Variants in GRIN2B observed in about 807,000 individuals in gnomAD.
GRIN2B encodes the protein glutamate receptor ionotropic, NMDA 2B.
A neutral mutation model predicts 114.5 loss-of-function variants in GRIN2B; 5 were observed. The observed-to-expected ratio is 0.04, with a 90% CI of 0.02 to 0.09. The LOEUF is 0.09. Ranked by LOEUF, GRIN2B falls within the 10% of genes least tolerant of loss-of-function variation. The probability of loss-of-function intolerance (pLI) is 1.00; values close to 1 mark genes in which losing one functional copy is unlikely to be tolerated. For missense variants in GRIN2B, 1,108 were observed against 1,943.5 expected (o/e 0.57, Z 8.08); for synonymous variants, 787 against 745.1 (o/e 1.06, Z -0.92).
intron 3 of GRIN2B, among the ~76,000 whole-genome samples, chr12:13,834,964 G>A (rs186726336): frequency 1.1e-3 from 161 of 152,274 alleles, no homozygotes; most frequent in African/African-American, 3.5e-3. Flanking sequence ...CCAAGTTTGC[G>A]CATCTCTGCT....
intron 10 of GRIN2B, among the ~76,000 whole-genome samples, chr12:13,590,330 C>T (rs539453471): frequency 1.3e-5 from 2 of 152,132 alleles, no homozygotes; most frequent in East Asian, 3.9e-4. Context: ...TATCAATTCC[C>T]CATCTAGGTT....
chr12:13,919,797 C>T (rs1866793437), intron 2 of GRIN2B, among the ~76,000 whole-genome samples: 1 of 152,154 alleles, frequency 6.6e-6, no homozygotes, highest in Middle Eastern at 3.4e-3. Context: ...ATTCTGAACA[C>T]TGATGGGAAT....
intron 2 of GRIN2B, among the ~76,000 whole-genome samples, chr12:13,913,552 A>G (rs184928429): frequency 9.8e-5 from 15 of 152,288 alleles, no homozygotes; most frequent in African/African-American, 3.6e-4. Flanking sequence ...CAACCTCTGA[A>G]AATTGAATAG....
At chr12:13,639,365 T>C (rs770992601) in intron 5 of GRIN2B, among the ~76,000 whole-genome samples, 6 of 152,140 alleles carry the variant, frequency 3.9e-5, no homozygotes, top group Non-Finnish European at 7.4e-5. Flanking sequence ...ACAGTGTTCA[T>C]AGACACTGAA....
chr12:13,565,997 T>A (rs1404095784), intron 13 of GRIN2B, among the ~76,000 whole-genome samples: 1 of 152,170 alleles, frequency 6.6e-6, no homozygotes, highest in Non-Finnish European at 1.5e-5. Context: ...CCAGCTCCCA[T>A]GGCTTCTGGT....
intron 2 of GRIN2B, among the ~76,000 whole-genome samples, chr12:13,956,394 G>T (rs577842817): frequency 6.6e-6 from 1 of 152,184 alleles, no homozygotes; most frequent in Non-Finnish European, 1.5e-5. Flanking sequence ...ATGACAACTC[G>T]TGGCAATTTG....
At chr12:13,655,650 C>G (rs1188620886) in intron 5 of GRIN2B, among the ~76,000 whole-genome samples, 1 of 152,102 alleles carries the variant, frequency 6.6e-6, no homozygotes, top group Non-Finnish European at 1.5e-5. Flanking sequence ...GTCACTAAAC[C>G]TCTCTGGGCC....
At chr12:13,774,220 A>G (rs1051495863) in intron 3 of GRIN2B, among the ~76,000 whole-genome samples, 3 of 152,252 alleles carry the variant, frequency 2.0e-5, no homozygotes, top group Non-Finnish European at 4.4e-5. Context: ...GCTGATAACC[A>G]GTACAAATGG....
intron 5 of GRIN2B, among the ~76,000 whole-genome samples, chr12:13,638,514 G>C (rs1949685150): frequency 6.6e-6 from 1 of 152,088 alleles, no homozygotes. Context: ...TATCACTAGG[G>C]AAAAGTCATG....
intron 3 of GRIN2B, among the ~76,000 whole-genome samples, chr12:13,787,164 T>C (rs1864236280): frequency 6.6e-6 from 1 of 152,204 alleles, no homozygotes; most frequent in African/African-American, 2.4e-5. Flanking sequence ...TAACCTAGGC[T>C]AGGAGAAGTG....
At chr12:13,879,995 G>A (rs997213965) in intron 2 of GRIN2B, among the ~76,000 whole-genome samples, 7 of 152,206 alleles carry the variant, frequency 4.6e-5, no homozygotes, top group African/African-American at 1.4e-4. Flanking sequence ...CTTATTGTGT[G>A]TCCATCTGTG....
chr12:13,919,535 T>C (rs1866789251), intron 2 of GRIN2B, among the ~76,000 whole-genome samples: 1 of 152,210 alleles, frequency 6.6e-6, no homozygotes, highest in African/African-American at 2.4e-5. Flanking sequence ...AGAGACAATA[T>C]GGCTTTTTGT....
chr12:13,676,329 T>C lies in GRIN2B; in HGVS notation c.1011-470A>G, dbSNP rs149477283. On this transcript the variant is annotated intron_variant, in intron 4 of 13. Transcript: ENST00000609686. ...AAAATGAACCTGCACATCCTGCACA[T>C]GTACCCCAGAACTTAAAATTAAAAA... is the stretch of plus-strand genomic sequence containing the variant. Among the ~76,000 whole-genome samples, 719 of 152,220 alleles carry C rather than the reference T, an allele frequency of 4.7e-3. 7 individuals carry two copies. The highest frequency in any genetic ancestry group is 0.017 in the African/African-American group (692 of 41,538).
At chr12:13,734,806 G>C (rs1408593056) in intron 4 of GRIN2B, among the ~76,000 whole-genome samples, 1 of 152,148 alleles carries the variant, frequency 6.6e-6, no homozygotes, top group East Asian at 1.9e-4. Context: ...TCAGAGAGGA[G>C]GCAACACTTG....
intron 2 of GRIN2B, among the ~76,000 whole-genome samples, chr12:13,891,885 T>C (rs1364402724): frequency 6.6e-6 from 1 of 152,226 alleles, no homozygotes; most frequent in Non-Finnish European, 1.5e-5. Context: ...TTACCTACTA[T>C]GTAAAAGGCA....
chr12:13,832,622 A>G (rs1865171424), intron 3 of GRIN2B, among the ~76,000 whole-genome samples: 1 of 152,120 alleles, frequency 6.6e-6, no homozygotes, highest in Non-Finnish European at 1.5e-5. Context: ...ACATTTTCCT[A>G]TTTCATTATT....
chr12:13,915,048 G>T lies in GRIN2B; in HGVS notation c.-18-48822C>A, dbSNP rs147321715. On this transcript the variant is annotated intron_variant, in intron 2 of 13. Transcript: ENST00000609686. ...TGTATATTTTCAAATAACTAGAAGAGAAGAATCCAAAAGTTGCCAGCATAA... is the reference window on the plus strand; with the variant it reads ...TGTATATTTTCAAATAACTAGAAGATAAGAATCCAAAAGTTGCCAGCATAA... Among the ~76,000 whole-genome samples the T allele has an allele frequency of 3.7e-3, 569 of 152,230 alleles. 3 individuals are homozygous for T. Among genetic ancestry groups the T allele is most frequent in the African/African-American group, 0.013 (543 of 41,528 alleles).
chr12:13,659,904 T>C (rs1240656295), intron 5 of GRIN2B, among the ~76,000 whole-genome samples: 1 of 152,204 alleles, frequency 6.6e-6, no homozygotes, highest in Non-Finnish European at 1.5e-5. Context: ...GCACAAATAT[T>C]GATTATCCCA....
chr12:13,690,847 T>A (rs547578818), intron 4 of GRIN2B, among the ~76,000 whole-genome samples: 4 of 152,274 alleles, frequency 2.6e-5, no homozygotes, highest in African/African-American at 9.6e-5. Flanking sequence ...ATTGGGGGAA[T>A]CTGAAATATA....
Sources: allele counts gnomAD v4.1 joint callset (sites outside exome capture counted in the v4.1 genomes callset), GRCh38; gene constraint gnomAD v4.1.1; transcripts MANE v1.5; gene names NCBI Gene and HGNC (gene_info 2026-07-23, HGNC 2026-07-21).